Variants in KIAA1549L observed in about 807,000 individuals in gnomAD.
The protein encoded by KIAA1549L is UPF0606 protein KIAA1549L.
Under a neutral mutation model 160.7 loss-of-function variants are expected in KIAA1549L, and 88 were observed. That is an observed-to-expected ratio of 0.55 (90% confidence interval 0.46 to 0.65). KIAA1549L has a LOEUF of 0.65. Among genes scored for constraint, KIAA1549L ranks in the 30% least tolerant of loss-of-function variants. KIAA1549L has a pLI of 0.00. For missense variants in KIAA1549L, 2,258 were observed against 2,437.5 expected, an observed-to-expected ratio of 0.93 and a Z score of 1.55; for synonymous variants, 950 against 976.7, an observed-to-expected ratio of 0.97 and a Z score of 0.51.
intron 1 of KIAA1549L, among the ~76,000 whole-genome samples, chr11:33,536,780 T>C (rs1309725830): frequency 1.3e-5 from 2 of 152,220 alleles, no homozygotes; most frequent in Non-Finnish European, 2.9e-5. Flanking sequence ...GGAGGATCTG[T>C]TTCCATCTCC....
At chr11:33,507,182 T>C (rs1041583386) in intron 1 of KIAA1549L, among the ~76,000 whole-genome samples, 45 of 152,178 alleles carry the variant, frequency 3.0e-4, no homozygotes, top group African/African-American at 1.0e-3. Flanking sequence ...AAGGCCGAGT[T>C]TATTGCTTGC....
At chr11:33,472,212 A>C (rs1365083103) in intron 1 of KIAA1549L, among the ~76,000 whole-genome samples, 1 of 150,902 alleles carries the variant, frequency 6.6e-6, no homozygotes, top group Non-Finnish European at 1.5e-5. Context: ...TCCTGGGCTC[A>C]AGCCATCCTC....
intron 1 of KIAA1549L, among the ~76,000 whole-genome samples, chr11:33,502,092 CT>C (rs147919759): frequency 0.044 from 6,635 of 152,254 alleles, 493 homozygotes; most frequent in African/African-American, 0.15. Flanking sequence ...TCATGCAGAA[CT>C]TTGCATTTTG....
chr11:33,422,120 T>A (rs1851024637), intron 1 of KIAA1549L, among the ~76,000 whole-genome samples: 1 of 152,108 alleles, frequency 6.6e-6, no homozygotes, highest in Non-Finnish European at 1.5e-5. Flanking sequence ...CAGGCCTCTC[T>A]CCATGCCCCT....
chr11:33,475,331 G>T (rs956696767), intron 1 of KIAA1549L, among the ~76,000 whole-genome samples: 1 of 152,098 alleles, frequency 6.6e-6, no homozygotes, highest in African/African-American at 2.4e-5. Flanking sequence ...AATATAGCCT[G>T]TTTCTTCTCC....
intron 1 of KIAA1549L, among the ~76,000 whole-genome samples, chr11:33,526,499 C>G (rs1160544913): frequency 1.3e-5 from 2 of 152,210 alleles, no homozygotes; most frequent in African/African-American, 4.8e-5. Flanking sequence ...CATCACAGGA[C>G]TCTTTGCAGA....
chr11:33,542,480 C>G lies in KIAA1549L; in HGVS notation c.917C>G (p.Ala306Gly), dbSNP rs369277254. 7 of 1,613,082 alleles carry G rather than the reference C, an allele frequency of 4.3e-6. No individual in the cohort carries two copies. The highest frequency in any genetic ancestry group is 1.3e-5 in the African/African-American group (1 of 75,022). Residue 306 changes from alanine to glycine, a missense_variant, in exon 2 of 21, where the codon GCC (alanine) becomes GGC (glycine). Transcript: ENST00000658780. ...DEMDHTASQNAQDLIGIPHLG... is the reference protein window; with the variant it reads ...DEMDHTASQNGQDLIGIPHLG... ...ATGGACCACACTGCATCCCAAAATG[C>G]CCAGGATCTCATAGGCATCCCTCAT...
At chr11:33,435,790 A>ATG (rs1210337486) in intron 1 of KIAA1549L, among the ~76,000 whole-genome samples, 1 of 26,084 alleles carries the variant, frequency 3.8e-5, no homozygotes, top group African/African-American at 1.3e-4. Flanking sequence ...ATATATATAT[A>ATG]TATATATATA....
intron 1 of KIAA1549L, among the ~76,000 whole-genome samples, chr11:33,516,722 G>C (rs1853352354): frequency 6.6e-6 from 1 of 151,978 alleles, no homozygotes; most frequent in African/African-American, 2.4e-5. Context: ...TTTTCTTTCT[G>C]ACCAATCCAA....
At chr11:33,578,630 G>T (rs987732493) in intron 10 of KIAA1549L, among the ~76,000 whole-genome samples, 2 of 152,176 alleles carry the variant, frequency 1.3e-5, no homozygotes, top group African/African-American at 4.8e-5. Context: ...CCAAACTCCT[G>T]TCTTCACAGC....
chr11:33,434,569 C>T (rs550104863), intron 1 of KIAA1549L, among the ~76,000 whole-genome samples: 22 of 152,300 alleles, frequency 1.4e-4, no homozygotes, highest in African/African-American at 5.1e-4. Context: ...CACAAGCTAG[C>T]TGCACAAGAG....
At chr11:33,512,126 C>A (rs542890185) in intron 1 of KIAA1549L, among the ~76,000 whole-genome samples, 1 of 152,068 alleles carries the variant, frequency 6.6e-6, no homozygotes, top group Admixed American at 6.5e-5. Context: ...TAGAGGGTCA[C>A]GTAAAATGTC....
chr11:33,454,763 A>G (rs571533692), intron 1 of KIAA1549L, among the ~76,000 whole-genome samples: 1 of 152,296 alleles, frequency 6.6e-6, no homozygotes, highest in African/African-American at 2.4e-5. Flanking sequence ...AAATAAGATG[A>G]AAAGGAATTG....
In KIAA1549L at chr11:33,514,098, G is replaced by C. The variant is rs545181780; in HGVS notation, c.239-27704G>C. Among the ~76,000 whole-genome samples the C allele has an allele frequency of 2.0e-5, 3 of 152,304 alleles. No homozygotes were observed. The South Asian group carries it at 6.2e-4, about 32-fold the overall frequency. ...AAGGTTGAGTCTTGTTGCAGCATGA[G>C]CTATACAATCCTTCCTTCCTGTTCC... On this transcript the variant is annotated intron_variant, in intron 1 of 20. Coordinates refer to ENST00000658780, the MANE Select transcript of KIAA1549L (RefSeq NM_012194.3).
intron 1 of KIAA1549L, among the ~76,000 whole-genome samples, chr11:33,442,545 A>G (rs531134866): frequency 1.3e-5 from 2 of 152,104 alleles, no homozygotes; most frequent in South Asian, 4.1e-4. Flanking sequence ...AGTTAGCTCA[A>G]TCTTTGTCAG....
intron 10 of KIAA1549L, among the ~76,000 whole-genome samples, chr11:33,582,416 C>T (rs1855673935): frequency 6.6e-6 from 1 of 152,100 alleles, no homozygotes; most frequent in African/African-American, 2.4e-5. Flanking sequence ...CTAGTAGCCC[C>T]CAAGTTCAGC....
chr11:33,417,403 TTATTCTGTTC>T (rs1190457583), intron 1 of KIAA1549L, among the ~76,000 whole-genome samples: 1 of 152,180 alleles, frequency 6.6e-6, no homozygotes, highest in African/African-American at 2.4e-5. Context: ...ATTTTCTGTT[TTATTCTGTTC>T]TATTTCATTT....
At chr11:33,446,400 T>C (rs1851612047) in intron 1 of KIAA1549L, among the ~76,000 whole-genome samples, 1 of 152,136 alleles carries the variant, frequency 6.6e-6, no homozygotes, top group South Asian at 2.1e-4. Flanking sequence ...CGGCGTTTTT[T>C]GTTTTTTGTT....
intron 1 of KIAA1549L, among the ~76,000 whole-genome samples, chr11:33,425,681 T>C (rs994322395): frequency 3.3e-5 from 5 of 152,210 alleles, no homozygotes; most frequent in African/African-American, 1.2e-4. Context: ...TTTCCGCTAT[T>C]ATTAGGAAAG....
Sources: gnomAD v4.1 joint callset for allele counts (sites outside exome capture counted in the v4.1 genomes callset) on GRCh38, gnomAD v4.1.1 for gene constraint, MANE v1.5 for transcripts, NCBI Gene and HGNC (gene_info 2026-07-23, HGNC 2026-07-21) for gene names.